Variants in CEP85L observed in about 807,000 individuals in gnomAD.
CEP85L encodes the protein centrosomal protein 85L, also known as centrosomal protein of 85 kDa-like.
Under a neutral mutation model 100.3 loss-of-function variants are expected in CEP85L, and 60 were observed. That is an observed-to-expected ratio of 0.60 (90% CI 0.49 to 0.74). The LOEUF is 0.74. Ranked by LOEUF, CEP85L falls within the 30% of genes least tolerant of loss-of-function variation. CEP85L has a pLI of 0.00. For missense variants in CEP85L, 973 were observed against 936.2 expected (o/e 1.04, Z -0.51); for synonymous variants, 319 against 322.7 (o/e 0.99, Z 0.12).
chr6:118,675,159 G>A (rs979009408), intron 1 of CEP85L, among the ~76,000 whole-genome samples: 1 of 139,512 alleles, frequency 7.2e-6, no homozygotes, highest in Non-Finnish European at 1.6e-5. Context: ...ATGGAGTGCT[G>A]TTACATGCTA....
intron 2 of CEP85L, among the ~76,000 whole-genome samples, chr6:118,585,650 C>A (rs1012363266): frequency 6.6e-6 from 1 of 152,192 alleles, no homozygotes; most frequent in Non-Finnish European, 1.5e-5. Context: ...AATGGAAAGT[C>A]CTTAAAGTGC....
chr6:118,615,270 C>G (rs1207942801), intron 2 of CEP85L, among the ~76,000 whole-genome samples: 1 of 152,036 alleles, frequency 6.6e-6, no homozygotes, highest in African/African-American at 2.4e-5. Context: ...GTTTTACTTA[C>G]AGTAGCTTGA....
chr6:118,523,788 T>A lies in CEP85L; in HGVS notation c.1139+14A>T. ...TGTAGGCCTGAAATATTTAATAATT[T>A]AAAATAGACTCACCGATCGATTACA... On this transcript the variant is annotated intron_variant, in intron 4 of 12. Transcript: ENST00000368491. 1 of 1,243,356 alleles carries A rather than the reference T, an allele frequency of 8.0e-7. No homozygotes were observed. Among genetic ancestry groups the A allele is most frequent in the African/African-American group, 1.5e-5 (1 of 66,798 alleles). 77.0% of individuals were successfully genotyped at this position (1,243,356 alleles called of 1,614,324 possible).
intron 2 of CEP85L, among the ~76,000 whole-genome samples, chr6:118,611,778 A>C (rs1772636467): frequency 6.6e-6 from 1 of 152,218 alleles, no homozygotes; most frequent in Non-Finnish European, 1.5e-5. Context: ...TATAATGATA[A>C]AAGGGCCGAC....
intron 2 of CEP85L, among the ~76,000 whole-genome samples, chr6:118,613,328 A>T (rs1254070763): frequency 1.3e-5 from 2 of 152,242 alleles, no homozygotes. Flanking sequence ...CATAAACTTG[A>T]TAATTTAGGT....
intron 3 of CEP85L, among the ~76,000 whole-genome samples, chr6:118,553,593 G>A (rs576900751): frequency 6.6e-6 from 1 of 152,114 alleles, no homozygotes; most frequent in Admixed American, 6.5e-5. Flanking sequence ...ATAACTTTAG[G>A]ATTATGGCAT....
rs1006984819 is a variant in CEP85L at position 118,562,981 on chromosome 6, T to A, written c.1020+2548A>T. Among the ~76,000 whole-genome samples the A allele has an allele frequency of 4.6e-5, 7 of 152,060 alleles. No individual in the cohort carries two copies. In the East Asian group the frequency reaches 1.3e-3, roughly 29 times the overall value. The stretch of plus-strand genomic sequence containing the variant: ...CAAGAAAAGGAACTCAAGGGGGCCA[T>A]GGAAAGGGAAGGAGTCTTCCCAAAA... On this transcript the variant is annotated intron_variant, in intron 3 of 12. Transcript: ENST00000368491.
chr6:118,706,752 GTCC>G (rs1241085038), intron 1 of CEP85L, among the ~76,000 whole-genome samples: 1 of 150,496 alleles, frequency 6.6e-6, no homozygotes, highest in African/African-American at 2.5e-5. Context: ...TTTCCTTTCC[GTCC>G]TCCTCATCAA....
chr6:118,676,833 G>A (rs1776499060), intron 1 of CEP85L, among the ~76,000 whole-genome samples: 1 of 151,792 alleles, frequency 6.6e-6, no homozygotes, highest in Non-Finnish European at 1.5e-5. Context: ...TTTTCTCTAC[G>A]CCCTTGTCAA....
At chr6:118,548,522 T>G (rs1251343649) in intron 3 of CEP85L, 2 of 152,066 alleles carry the variant, frequency 1.3e-5, no homozygotes, top group Non-Finnish European at 2.9e-5. Flanking sequence ...GGCAATAAAA[T>G]GACATGACAA....
At chr6:118,625,160 C>T (rs1490979577) in intron 2 of CEP85L, among the ~76,000 whole-genome samples, 2 of 152,200 alleles carry the variant, frequency 1.3e-5, no homozygotes, top group Non-Finnish European at 2.9e-5. Context: ...TAGCATGACT[C>T]CCAATAGAAA....
At chr6:118,487,586 C>T (rs1205951785) in intron 6 of CEP85L, among the ~76,000 whole-genome samples, 2 of 152,176 alleles carry the variant, frequency 1.3e-5, no homozygotes, top group Non-Finnish European at 2.9e-5. Flanking sequence ...ACCTGTAATC[C>T]TACCCCCAAT....
At chr6:118,589,898 A>C (rs183458134) in intron 2 of CEP85L, among the ~76,000 whole-genome samples, 82 of 152,356 alleles carry the variant, frequency 5.4e-4, no homozygotes, top group African/African-American at 2.0e-3. Context: ...TAGTTAATGC[A>C]TATTTCTGTT....
At chr6:118,489,271 C>CAAAA (rs371393488) in intron 6 of CEP85L, among the ~76,000 whole-genome samples, 39 of 127,344 alleles carry the variant, frequency 3.1e-4, no homozygotes, top group African/African-American at 8.6e-4. Flanking sequence ...AGCTCTGTCT[C>CAAAA]AAAAAAAAAA....
In CEP85L at chr6:118,566,420, A is replaced by G. The variant is rs1315716121; in HGVS notation, c.233-104T>C. On this transcript the variant is annotated intron_variant, in intron 2 of 12. Coordinates refer to ENST00000368491, the MANE Select transcript of CEP85L (RefSeq NM_001042475.3). ...AAATATCTGAACATGGTTTCATAGC[A>G]CAAGCTTTTTTTTTTGAGACGTAGT... 6.8e-6 allele frequency: 7 copies of G among 1,025,276 alleles called. No individual in the cohort carries two copies. The African/African-American group carries it at 1.1e-4, about 17-fold the overall frequency. 63.5% of individuals were successfully genotyped at this position (1,025,276 alleles called of 1,614,324 possible).
At chr6:118,523,136 C>T (rs943799292) in intron 4 of CEP85L, among the ~76,000 whole-genome samples, 1 of 152,028 alleles carries the variant, frequency 6.6e-6, no homozygotes, top group African/African-American at 2.4e-5. Context: ...AATTGCTTCC[C>T]AATTATCATG....
At chr6:118,525,936 A>G (rs1359086153) in intron 3 of CEP85L, among the ~76,000 whole-genome samples, 1 of 152,226 alleles carries the variant, frequency 6.6e-6, no homozygotes, top group Admixed American at 6.5e-5. Context: ...TTCAAAATAA[A>G]CCAGTAATTG....
intron 10 of CEP85L, among the ~76,000 whole-genome samples, chr6:118,473,085 T>G (rs1773087150): frequency 6.6e-6 from 1 of 152,144 alleles, no homozygotes; most frequent in South Asian, 2.1e-4. Context: ...TATACACACA[T>G]AAACATGCAT....
At chr6:118,683,494 A>G (rs762569619) in intron 1 of CEP85L, among the ~76,000 whole-genome samples, 2 of 152,196 alleles carry the variant, frequency 1.3e-5, no homozygotes, top group African/African-American at 2.4e-5. Context: ...ATGGCAAACT[A>G]CAACGAATCT....
Sources: allele counts gnomAD v4.1 joint callset (sites outside exome capture counted in the v4.1 genomes callset), GRCh38; gene constraint gnomAD v4.1.1; transcripts MANE v1.5; gene names NCBI Gene and HGNC (gene_info 2026-07-23, HGNC 2026-07-21).